The following ESRRB variants were observed in gnomAD, a reference collection of about 807,000 sequenced individuals.
ESRRB encodes steroid hormone receptor ERR2.
In ESRRB, 16 loss-of-function variants were observed where a neutral mutation model predicts 46.0. The observed-to-expected ratio is 0.35, with a 90% CI of 0.24 to 0.53. The LOEUF is 0.53. Ranked by LOEUF, ESRRB falls within the 20% of genes least tolerant of loss-of-function variation. ESRRB has a pLI of 0.93. For missense variants in ESRRB, 488 were observed against 607.4 expected (o/e 0.80, Z 2.07); for synonymous variants, 246 against 259.6 (o/e 0.95, Z 0.50).
chr14:76,332,581 TATATTTATATA>T (rs1377076389), intron 1 of ESRRB, among the ~76,000 whole-genome samples: 1 of 32,600 alleles, frequency 3.1e-5, no homozygotes, highest in Admixed American at 6.8e-4. Context: ...TTATATATTA[TATATTTATATA>T]TTATATATTA....
At chr14:76,410,154 G>GT (rs751290434) in intron 1 of ESRRB, among the ~76,000 whole-genome samples, 6 of 152,200 alleles carry the variant, frequency 3.9e-5, no homozygotes, top group Non-Finnish European at 7.3e-5. Context: ...AATCCAAGAG[G>GT]TGGAGGTTGC....
intron 1 of ESRRB, among the ~76,000 whole-genome samples, chr14:76,425,670 G>A (rs923447766): frequency 2.0e-5 from 3 of 152,104 alleles, no homozygotes; most frequent in Admixed American, 6.5e-5. Flanking sequence ...GCTCTATCTG[G>A]ACACTCCCCT....
intron 2 of ESRRB, among the ~76,000 whole-genome samples, chr14:76,452,765 TA>T (rs1215940844): frequency 6.6e-6 from 1 of 151,996 alleles, no homozygotes; most frequent in African/African-American, 2.4e-5. Flanking sequence ...GCAAGGCCAT[TA>T]GGGGGAAAAC....
chr14:76,395,828 T>C (rs908464369), intron 1 of ESRRB, among the ~76,000 whole-genome samples: 13 of 127,378 alleles, frequency 1.0e-4, no homozygotes, highest in Non-Finnish European at 1.4e-4. Context: ...ACCAAGATTA[T>C]GATACTTGGT....
intron 6 of ESRRB, 64 bp downstream of exon 6, chr14:76,491,780 A>G: frequency 1.3e-6 from 2 of 1,488,866 alleles, no homozygotes; most frequent in Non-Finnish European, 1.8e-6. Flanking sequence ...TAATGAGCCC[A>G]TCCCTGGGGC....
chr14:76,469,926 GTTGTTTTTT>G (rs1267865507), intron 3 of ESRRB, among the ~76,000 whole-genome samples: 5 of 67,654 alleles, frequency 7.4e-5, no homozygotes, highest in Admixed American at 4.3e-4. Flanking sequence ...TGTGTTTTTT[GTTGTTTTTT>G]TTTTTTTTCT....
intron 1 of ESRRB, among the ~76,000 whole-genome samples, chr14:76,343,760 C>T (rs1884218274): frequency 6.6e-6 from 1 of 152,234 alleles, no homozygotes; most frequent in Non-Finnish European, 1.5e-5. Context: ...TCATCGTTTC[C>T]ACTTCATTCT....
intron 2 of ESRRB, among the ~76,000 whole-genome samples, chr14:76,443,591 T>C (rs17104468): frequency 0.083 from 12,593 of 152,240 alleles, 819 homozygotes; most frequent in African/African-American, 0.18. Context: ...TTGCCATTAT[T>C]TTAGACTCTT....
intron 2 of ESRRB, among the ~76,000 whole-genome samples, chr14:76,449,873 A>T (rs1888313103): frequency 6.7e-6 from 1 of 149,090 alleles, no homozygotes; most frequent in African/African-American, 2.5e-5. Context: ...CTTCTGCCTC[A>T]GCCTTCTGAG....
chr14:76,312,590 T>G (rs1020052286), intron 1 of ESRRB, among the ~76,000 whole-genome samples: 1 of 151,036 alleles, frequency 6.6e-6, no homozygotes, highest in African/African-American at 2.4e-5. Context: ...GACGGTGAAG[T>G]CTAAGAACTC....
intron 1 of ESRRB, among the ~76,000 whole-genome samples, chr14:76,416,133 CTT>C (rs550161182): frequency 3.2e-4 from 42 of 131,714 alleles, no homozygotes; most frequent in African/African-American, 6.5e-4. Flanking sequence ...ACCATTTTCC[CTT>C]TTTTTTTTTT....
chr14:76,399,865 C>G (rs574959651), intron 1 of ESRRB, among the ~76,000 whole-genome samples: 7 of 152,266 alleles, frequency 4.6e-5, no homozygotes, highest in Non-Finnish European at 8.8e-5. Flanking sequence ...CTGCTCCTGA[C>G]CAGATGCTGC....
chr14:76,377,248 G>A (rs1025300873), intron 1 of ESRRB, among the ~76,000 whole-genome samples: 1 of 152,238 alleles, frequency 6.6e-6, no homozygotes, highest in African/African-American at 2.4e-5. Context: ...CTCCAGCCCC[G>A]GGGCAGCGCG....
chr14:76,441,372 G>T (rs764682092), intron 2 of ESRRB, among the ~76,000 whole-genome samples: 2 of 152,164 alleles, frequency 1.3e-5, no homozygotes, highest in South Asian at 4.1e-4. Context: ...AGGTGAATTG[G>T]GGAGAATAAA....
rs188547082 is a variant in ESRRB at position 76,411,778 on chromosome 14, T to G, written c.51-27563T>G. On this transcript the variant is annotated intron_variant, in intron 1 of 6. Transcript: ENST00000644823. ...TAATCTCTCAATAAATATTAGTGAT[T>G]AGTAGTATCACTAGCTAGAGAAGCT... Among the ~76,000 whole-genome samples the G allele has an allele frequency of 4.1e-4, 63 of 152,320 alleles. No homozygotes were observed. In the South Asian group the frequency reaches 6.6e-3, roughly 16 times the overall value.
rs777276493 is a variant in ESRRB at position 76,482,642 on chromosome 14, C to A, written c.733C>A (p.Leu245Ile). 18 of 1,614,040 alleles carry A rather than the reference C, an allele frequency of 1.1e-5. No homozygotes were observed. The highest frequency in any genetic ancestry group is 3.3e-4 in the Middle Eastern group (2 of 6,084). The change falls in exon 5 of 7, where the codon CTC becomes ATC. Residue 245 changes from leucine (L) to isoleucine (I), a missense_variant. Physicochemically the swap from Leu to Ile is conservative, Grantham distance 5. Coordinates refer to ENST00000644823, the MANE Select transcript of ESRRB (RefSeq NM_001379180.1). This position sits in a 1 kb window ranked among gnomAD's most constrained non-coding sequence, Gnocchi z 4.3. ...SYLLVAEPDK[L>I]YAMPPPGMPE... ...CCTACTGGTGGCTGAGCCGGACAAG[C>A]TCTATGCCATGCCTCCCCCTGGTAT...
chr14:76,314,196 AGTGGAAGGCAGT>A (rs1883770928), intron 1 of ESRRB, among the ~76,000 whole-genome samples: 1 of 152,204 alleles, frequency 6.6e-6, no homozygotes, highest in Non-Finnish European at 1.5e-5. Context: ...GTGCTTGCAA[AGTGGAAGGCAGT>A]GTGGAGCTGG....
chr14:76,454,982 T>A (rs1286988632), intron 2 of ESRRB, among the ~76,000 whole-genome samples: 1 of 151,606 alleles, frequency 6.6e-6, no homozygotes, highest in Non-Finnish European at 1.5e-5. Context: ...GTGAGGAGTT[T>A]GAGACCAGCC....
At chr14:76,351,986 T>TAAAAAAAAAAAAAAAAAAAAAAAAA (rs201356393) in intron 1 of ESRRB, among the ~76,000 whole-genome samples, 1 of 91,790 alleles carries the variant, frequency 1.1e-5, no homozygotes, top group Non-Finnish European at 2.1e-5. Flanking sequence ...CCCAGTCTCT[T>TAAAAAAAAAAAAAAAAAAAAAAAAA]AAAAAAAAAA....
Sources: allele counts gnomAD v4.1 joint callset (sites outside exome capture counted in the v4.1 genomes callset), GRCh38; gene constraint gnomAD v4.1.1; non-coding constraint Gnocchi (gnomAD v3.1); transcripts MANE v1.5; gene names NCBI Gene and HGNC (gene_info 2026-07-23, HGNC 2026-07-21).